The following UBE2E1 variants were observed in gnomAD, a reference collection of about 807,000 sequenced individuals.
The protein encoded by UBE2E1 is ubiquitin conjugating enzyme E2 E1, also known as ubiquitin-conjugating enzyme E2 E1.
Under a neutral mutation model 21.4 loss-of-function variants are expected in UBE2E1, and 6 were observed. The ratio of observed to expected loss-of-function variants is 0.28; its 90% CI spans 0.15 to 0.55. UBE2E1 has a LOEUF of 0.55. Among genes scored for constraint, UBE2E1 ranks in the 20% least tolerant of loss-of-function variants. UBE2E1 has a pLI of 0.93. For missense variants in UBE2E1, 142 were observed against 236.5 expected, an observed-to-expected ratio of 0.60 and a Z score of 2.62; for synonymous variants, 87 against 82.7, an observed-to-expected ratio of 1.05 and a Z score of -0.28.
intron 3 of UBE2E1, among the ~76,000 whole-genome samples, chr3:23,830,073 A>G (rs1699836533): frequency 6.6e-6 from 1 of 152,212 alleles, no homozygotes; most frequent in African/African-American, 2.4e-5. Flanking sequence ...ATATCTTTGG[A>G]AAAATCATGC....
chr3:23,850,802 TAGC>T (rs1251241057), intron 3 of UBE2E1, among the ~76,000 whole-genome samples: 4 of 148,064 alleles, frequency 2.7e-5, no homozygotes, highest in African/African-American at 9.9e-5. Context: ...GCCTCTCCAG[TAGC>T]AGGGACTACA....
intron 3 of UBE2E1, among the ~76,000 whole-genome samples, chr3:23,852,416 C>T (rs765569733): frequency 9.9e-5 from 15 of 152,208 alleles, no homozygotes; most frequent in Middle Eastern, 6.8e-3. Context: ...TCTGATTACT[C>T]ACGGGTAGTA....
intron 3 of UBE2E1, among the ~76,000 whole-genome samples, chr3:23,841,033 A>G (rs1222980414): frequency 1.3e-5 from 2 of 152,348 alleles, no homozygotes; most frequent in African/African-American, 2.4e-5. Flanking sequence ...TTTACAGCCC[A>G]TGATACTTTT....
intron 3 of UBE2E1, among the ~76,000 whole-genome samples, chr3:23,843,632 G>C (rs1700137707): frequency 6.6e-6 from 1 of 151,940 alleles, no homozygotes; most frequent in Admixed American, 6.6e-5. Context: ...GTTTTGTTTT[G>C]AACCAGCACC....
At chr3:23,864,409 A>G (rs1250203924) in intron 3 of UBE2E1, among the ~76,000 whole-genome samples, 2 of 152,076 alleles carry the variant, frequency 1.3e-5, no homozygotes, top group African/African-American at 4.8e-5. Flanking sequence ...CACTCTCACT[A>G]TTCAAATCTT....
chr3:23,835,654 T>A (rs1225782703), intron 3 of UBE2E1, among the ~76,000 whole-genome samples: 2 of 152,218 alleles, frequency 1.3e-5, no homozygotes, highest in Middle Eastern at 3.2e-3. Flanking sequence ...TCTGGTAATT[T>A]CCAGGCTTTT....
chr3:23,817,291 G>A (rs1261514816), intron 3 of UBE2E1, among the ~76,000 whole-genome samples: 6 of 151,934 alleles, frequency 3.9e-5, no homozygotes, highest in Admixed American at 1.3e-4. Context: ...GCGTGGTGAC[G>A]CGCGCCCGTA....
chr3:23,854,108 A>AGGT (rs1438495741), intron 3 of UBE2E1, among the ~76,000 whole-genome samples: 1 of 152,114 alleles, frequency 6.6e-6, no homozygotes, highest in Non-Finnish European at 1.5e-5. Context: ...AAATAGAAAA[A>AGGT]TTAACCGATT....
chr3:23,818,274 G>T (rs1699571107), intron 3 of UBE2E1, among the ~76,000 whole-genome samples: 1 of 152,188 alleles, frequency 6.6e-6, no homozygotes, highest in Non-Finnish European at 1.5e-5. Flanking sequence ...GCATGTTGCT[G>T]CCACTTAGTA....
chr3:23,872,080 A>G (rs1430392446), intron 3 of UBE2E1, among the ~76,000 whole-genome samples: 1 of 152,144 alleles, frequency 6.6e-6, no homozygotes, highest in African/African-American at 2.4e-5. Flanking sequence ...CAGCCTGGGC[A>G]CCATTGAGCA....
chr3:23,872,242 G>A lies in UBE2E1; in HGVS notation c.204-15325G>A, dbSNP rs558421030. Among the ~76,000 whole-genome samples the A allele has an allele frequency of 5.0e-4, 76 of 151,174 alleles. No individual in the cohort carries two copies. In the South Asian group the frequency reaches 0.016, roughly 33 times the overall value. On this transcript the variant is annotated intron_variant, in intron 3 of 5. Transcript: ENST00000306627. ...ACGAAAACCAGTCAGGCGTGGCGGC[G>A]CGCGCCTGCAATCACAGGCACTCGG...
At chr3:23,856,967 C>T (rs1173997882) in intron 3 of UBE2E1, among the ~76,000 whole-genome samples, 2 of 146,022 alleles carry the variant, frequency 1.4e-5, no homozygotes, top group Non-Finnish European at 3.0e-5. Context: ...CACAACACTG[C>T]ACTCGGCCTG....
At position 23,810,644 on chromosome 3, in the gene UBE2E1, G is replaced by T. The variant is rs1405965092; in HGVS notation, c.153-816G>T. The T allele has an allele frequency of 3.5e-5, 35 of 995,028 alleles. No individual in the cohort carries two copies. Among genetic ancestry groups the T allele is most frequent in the Non-Finnish European group, 4.5e-5 (32 of 711,560 alleles). The allele number at this position is 995,028 out of a possible 1,614,324, so 61.6% of individuals were successfully genotyped here. On this transcript the variant is annotated intron_variant, in intron 2 of 5. Transcript: ENST00000306627. The surrounding 1 kb of genome is among the most constrained non-coding windows in gnomAD (Gnocchi z 5.8). ...GTCTGTGGTGCCCGAGTGGCGGGCG[G>T]GGGTGTTCGCGCCCTGCTTTCGCGC...
At chr3:23,848,490 C>G (rs868403950) in intron 3 of UBE2E1, among the ~76,000 whole-genome samples, 2 of 149,988 alleles carry the variant, frequency 1.3e-5, no homozygotes, top group Non-Finnish European at 3.0e-5. Flanking sequence ...AAACAAAAAA[C>G]AAAAAACTTT....
chr3:23,886,105 G>A (rs1465137937), intron 3 of UBE2E1, among the ~76,000 whole-genome samples: 1 of 152,120 alleles, frequency 6.6e-6, no homozygotes, highest in Admixed American at 6.5e-5. Flanking sequence ...GGTGGCTAAG[G>A]TGGGAGGATC....
chr3:23,865,467 G>A (rs1700636919), intron 3 of UBE2E1, among the ~76,000 whole-genome samples: 1 of 152,078 alleles, frequency 6.6e-6, no homozygotes, highest in Non-Finnish European at 1.5e-5. Flanking sequence ...TGATCCTCCC[G>A]CCTTAGCCTC....
At chr3:23,888,148 C>T in intron 4 of UBE2E1, 1 of 451,096 alleles carries the variant, frequency 2.2e-6, no homozygotes, top group Non-Finnish European at 4.4e-6. Context: ...GGTCAGGGGG[C>T]CAAACAACTA....
intron 3 of UBE2E1, among the ~76,000 whole-genome samples, chr3:23,833,943 A>T (rs1699921512): frequency 6.6e-6 from 1 of 152,204 alleles, no homozygotes; most frequent in African/African-American, 2.4e-5. Flanking sequence ...CGCTGCAGTC[A>T]GCCGTGTTTG....
intron 3 of UBE2E1, among the ~76,000 whole-genome samples, chr3:23,865,016 T>C (rs550535283): frequency 2.0e-5 from 3 of 152,264 alleles, no homozygotes; most frequent in Non-Finnish European, 4.4e-5. Flanking sequence ...TTTCTCTTTC[T>C]GTGTAACAAA....
Sources: allele counts gnomAD v4.1 joint callset (sites outside exome capture counted in the v4.1 genomes callset), GRCh38; gene constraint gnomAD v4.1.1; non-coding constraint Gnocchi (gnomAD v3.1); transcripts MANE v1.5; gene names NCBI Gene and HGNC (gene_info 2026-07-23, HGNC 2026-07-21).